DGKI: variants seen among roughly 807,000 people sequenced by gnomAD.
DGKI encodes DAG kinase iota.
DGKI carries 55 observed loss-of-function variants against 147.5 expected under a neutral mutation model. That is an observed-to-expected ratio of 0.37 (90% confidence interval 0.30 to 0.47). DGKI has a LOEUF of 0.47. DGKI is among the 20% of genes least tolerant of loss of function. DGKI has a pLI of 1.00. For synonymous variants in DGKI, 469 were observed against 477.1 expected (o/e 0.98, Z 0.22); for missense variants, 1,007 against 1,323.8 (o/e 0.76, Z 3.71).
intron 1 of DGKI, among the ~76,000 whole-genome samples, chr7:137,746,063 G>A (rs1175023750): frequency 6.6e-6 from 1 of 152,114 alleles, no homozygotes; most frequent in South Asian, 2.1e-4. Flanking sequence ...GGGGGATACT[G>A]TATCTATTTA....
intron 30 of DGKI, among the ~76,000 whole-genome samples, chr7:137,401,408 G>T (rs181146585): frequency 2.0e-5 from 3 of 151,882 alleles, no homozygotes; most frequent in Admixed American, 6.6e-5. Flanking sequence ...GTACATGCCT[G>T]TAGTCCCAGC....
chr7:137,411,448 G>A (rs1161391531), intron 29 of DGKI, among the ~76,000 whole-genome samples: 1 of 152,130 alleles, frequency 6.6e-6, no homozygotes, highest in Non-Finnish European at 1.5e-5. Context: ...GAACAGTCTT[G>A]AGAGCTTTAT....
chr7:137,779,542 C>T (rs958509029), intron 1 of DGKI, among the ~76,000 whole-genome samples: 5 of 152,066 alleles, frequency 3.3e-5, no homozygotes, highest in African/African-American at 1.2e-4. Context: ...ATTGGAAAAA[C>T]ATATTTACCA....
At chr7:137,602,713 G>A (rs1362548324) in intron 10 of DGKI, among the ~76,000 whole-genome samples, 1 of 152,074 alleles carries the variant, frequency 6.6e-6, no homozygotes, top group East Asian at 1.9e-4. Context: ...TGAATGGTTT[G>A]ACAAATATTA....
intron 21 of DGKI, among the ~76,000 whole-genome samples, chr7:137,500,501 C>G (rs545037606): frequency 6.6e-6 from 1 of 152,162 alleles, no homozygotes; most frequent in South Asian, 2.1e-4. Context: ...TTCTAGCAAC[C>G]AATCCACAAT....
rs528856227 is a variant in DGKI at position 137,817,038 on chromosome 7, A to G, written c.401+29424T>C. ...CACTAAAATGACAATTTAAGTGATA[A>G]ACACTGTTATCATTCTCGTCTCACT... On this transcript the variant is annotated intron_variant, in intron 1 of 32. Coordinates refer to ENST00000614521, the MANE Select transcript of DGKI (RefSeq NM_001321708.2). Among the ~76,000 whole-genome samples, 2 of 152,308 alleles carry G rather than the reference A, an allele frequency of 1.3e-5. 1 individual carries two copies. The highest frequency in any genetic ancestry group is 4.8e-5 in the African/African-American group (2 of 41,560).
chr7:137,828,840 T>C (rs1467516657), intron 1 of DGKI, among the ~76,000 whole-genome samples: 1 of 152,160 alleles, frequency 6.6e-6, no homozygotes, highest in Non-Finnish European at 1.5e-5. Context: ...GAATTTACAA[T>C]AAATATTTAT....
chr7:137,824,913 T>A lies in DGKI; in HGVS notation c.401+21549A>T, dbSNP rs148840823. 2.8e-4 allele frequency among the ~76,000 whole-genome samples: 42 copies of A among 152,350 alleles called. No homozygotes were observed. The East Asian group carries it at 7.9e-3, about 29-fold the overall frequency. On this transcript the variant is annotated intron_variant, in intron 1 of 32. Transcript: ENST00000614521. ...CTCATCCCTTTTTATGGCTGCATAG[T>A]ACTCCATGGTGTATATGCACCACAT...
At chr7:137,718,226 G>A (rs1794440380) in intron 1 of DGKI, among the ~76,000 whole-genome samples, 1 of 152,176 alleles carries the variant, frequency 6.6e-6, no homozygotes, top group Admixed American at 6.5e-5. Flanking sequence ...GCAAACCCTA[G>A]GCAGTAATAT....
chr7:137,412,113 G>T lies in DGKI; in HGVS notation c.2799+57C>A. 3 of 1,462,396 alleles carry T rather than the reference G, an allele frequency of 2.1e-6. No individual in the cohort carries two copies. In the East Asian group the frequency reaches 6.8e-5, roughly 33 times the overall value. 90.6% of individuals were successfully genotyped at this position (1,462,396 alleles called of 1,614,324 possible). A position where few individuals can be genotyped will look rare whatever the true frequency, so the allele number is the denominator to read the frequency against. On this transcript the variant is annotated intron_variant, in intron 29 of 32. Coordinates refer to ENST00000614521, the MANE Select transcript of DGKI (RefSeq NM_001321708.2). The stretch of plus-strand genomic sequence containing the variant: ...GGAACATAGAGTTTTGATGAGGAAT[G>T]ATGTTGATTTAAAGTTCTTAAAGCA...
intron 21 of DGKI, among the ~76,000 whole-genome samples, chr7:137,510,435 G>C (rs1585184239): frequency 6.6e-6 from 1 of 152,194 alleles, no homozygotes; most frequent in African/African-American, 2.4e-5. Context: ...GACACAGAAA[G>C]AACCACTACT....
intron 1 of DGKI, among the ~76,000 whole-genome samples, chr7:137,712,300 C>A (rs10226726): frequency 0.015 from 2,226 of 152,066 alleles, 49 homozygotes; most frequent in African/African-American, 0.051. Flanking sequence ...TTATAATTTC[C>A]AAATATTTTG....
chr7:137,752,814 C>G (rs1409346880), intron 1 of DGKI, among the ~76,000 whole-genome samples: 1 of 152,126 alleles, frequency 6.6e-6, no homozygotes, highest in Admixed American at 6.6e-5. Flanking sequence ...AAGCTCCCGG[C>G]CGAATAAAGC....
At chr7:137,844,151 G>A (rs1798641642) in intron 1 of DGKI, among the ~76,000 whole-genome samples, 1 of 152,202 alleles carries the variant, frequency 6.6e-6, no homozygotes, top group Non-Finnish European at 1.5e-5. Context: ...CCCTGCTGCA[G>A]GAGTCCAGCA....
chr7:137,621,452 C>T (rs1446024000), intron 7 of DGKI, among the ~76,000 whole-genome samples: 1 of 152,156 alleles, frequency 6.6e-6, no homozygotes, highest in East Asian at 1.9e-4. Context: ...AACCCCAACC[C>T]TGGAAATCCA....
intron 20 of DGKI, among the ~76,000 whole-genome samples, chr7:137,550,081 G>C (rs1393662300): frequency 6.6e-6 from 1 of 151,964 alleles, no homozygotes; most frequent in Non-Finnish European, 1.5e-5. Flanking sequence ...GTCTTTCAGA[G>C]GGCATGGGGT....
rs970291722 is a variant in DGKI, at chr7:137,702,658, T to C, written c.402-12656A>G. Among the ~76,000 whole-genome samples, 11 of 152,178 alleles carry C rather than the reference T, an allele frequency of 7.2e-5. 1 individual carries two copies. Among genetic ancestry groups the C allele is most frequent in the East Asian group, 5.8e-4 (3 of 5,196 alleles). On this transcript the variant is annotated intron_variant, in intron 1 of 32. Transcript: ENST00000614521. ...AGTAGCACTGAAAACCAACAGCTCC[T>C]TGATCCCAGTAAAAACCAGCAGCCT...
At chr7:137,655,774 T>G (rs980671089) in intron 4 of DGKI, among the ~76,000 whole-genome samples, 1 of 152,210 alleles carries the variant, frequency 6.6e-6, no homozygotes, top group Admixed American at 6.5e-5. Context: ...CATTTACCCA[T>G]GACAGCTCAA....
At chr7:137,733,228 A>G (rs1447943304) in intron 1 of DGKI, among the ~76,000 whole-genome samples, 1 of 152,016 alleles carries the variant, frequency 6.6e-6, no homozygotes, top group Non-Finnish European at 1.5e-5. Context: ...TGCAGTCACT[A>G]AACAATAACT....
Sources: gnomAD v4.1 joint callset for allele counts (sites outside exome capture counted in the v4.1 genomes callset) on GRCh38, gnomAD v4.1.1 for gene constraint, MANE v1.5 for transcripts, NCBI Gene and HGNC (gene_info 2026-07-23, HGNC 2026-07-21) for gene names.